The following DUSP12 variants were observed in gnomAD, a reference collection of about 807,000 sequenced individuals.
The protein encoded by DUSP12 is dual specificity phosphatase 12.
In DUSP12, 25 loss-of-function variants were observed where a neutral mutation model predicts 38.9. The observed-to-expected ratio is 0.64, with a 90% CI of 0.47 to 0.90. The LOEUF (loss-of-function observed/expected upper bound fraction) is 0.90. DUSP12 is among the 40% of genes least tolerant of loss of function. DUSP12 has a pLI of 0.00. For missense variants in DUSP12, 403 were observed against 427.0 expected (o/e 0.94, Z 0.50); for synonymous variants, 153 against 153.9 (o/e 0.99, Z 0.05).
In DUSP12 at chr1:161,750,043, C is replaced by G. The variant is rs781449881; in HGVS notation, c.242C>G (p.Pro81Arg). The G allele has an allele frequency of 3.7e-6, 6 of 1,613,904 alleles. No homozygotes were observed. In the Admixed American group the frequency reaches 1.0e-4, roughly 27 times the overall value. ...GVEDLWRLFV[P>R]ALDKPETDLL... ...GAGGATCTATGGCGCCTCTTCGTGC[C>G]AGCGCTGGACAAACCCGAGACGGAC... is the stretch of plus-strand genomic sequence containing the variant. The change falls in exon 1 of 6, where the codon CCA becomes CGA. Residue 81 changes from proline to arginine, a missense_variant. Pro to Arg is a moderately radical substitution (Grantham distance 103, BLOSUM62 -2). Coordinates refer to ENST00000367943, the MANE Select transcript of DUSP12 (RefSeq NM_007240.3).
At position 161,749,956 on chromosome 1, in the gene DUSP12, G is replaced by C. The variant is rs1170237371; in HGVS notation, c.155G>C (p.Gly52Ala). 4 of 1,613,888 alleles carry C rather than the reference G, an allele frequency of 2.5e-6. No individual in the cohort carries two copies. The African/African-American group carries it at 5.3e-5, about 22-fold the overall frequency. The part of the protein sequence containing the change: ...VAEPDHLREA[G>A]ITAVLTVDSE... ...GAGCCAGATCACCTGAGGGAAGCGG[G>C]CATCACGGCCGTGCTAACAGTGGAC... Residue 52 changes from glycine (G) to alanine (A), a missense_variant, in exon 1 of 6, where the codon GGC becomes GCC. Transcript: ENST00000367943.
intron 4 of DUSP12, 29 bp from the exon 5 acceptor site, chr1:161,753,046 T>C: frequency 1.3e-6 from 2 of 1,569,198 alleles, no homozygotes; most frequent in Non-Finnish European, 1.7e-6. Context: ...TGGAAGTCAT[T>C]AATGCTTTTG....
intron 5 of DUSP12, among the ~76,000 whole-genome samples, chr1:161,754,280 GC>G (rs1427215942): frequency 6.6e-6 from 1 of 152,064 alleles, no homozygotes; most frequent in African/African-American, 2.4e-5. Context: ...GTAGTGTCTT[GC>G]CTAGAAAGTG....
In DUSP12 at chr1:161,750,930, C is replaced by T. The variant is rs1034636533; in HGVS notation, c.345-738C>T. Among the ~76,000 whole-genome samples the T allele has an allele frequency of 2.7e-5, 4 of 150,664 alleles. No homozygotes were observed. In the South Asian group the frequency reaches 6.3e-4, roughly 24 times the overall value. ...ACAGAGCGAGACTCCATCCCTCCCCCCAAAAAAAGAAAATGGGAATCCCTA... is the reference window on the plus strand; with the variant it reads ...ACAGAGCGAGACTCCATCCCTCCCCTCAAAAAAAGAAAATGGGAATCCCTA... On this transcript the variant is annotated intron_variant, in intron 1 of 5. Coordinates refer to ENST00000367943, the MANE Select transcript of DUSP12 (RefSeq NM_007240.3).
At position 161,750,011 on chromosome 1, in the gene DUSP12, T is replaced by G; in HGVS notation, c.210T>G (p.Pro70=). 6.2e-7 allele frequency: 1 copy of G among 1,613,952 alleles called. No homozygotes were observed. Among genetic ancestry groups the G allele is most frequent in the Non-Finnish European group, 8.5e-7 (1 of 1,179,954 alleles). The part of the protein sequence containing the change: ...DSEEPSFKAG[P]GVEDLWRLFV... The stretch of plus-strand genomic sequence containing the variant: ...AGGAGCCCAGCTTCAAGGCGGGGCC[T>G]GGGGTCGAGGATCTATGGCGCCTCT... Residue 70 remains proline (P), a synonymous_variant, in exon 1 of 6, where the codon CCT becomes CCG. Coordinates refer to ENST00000367943, the MANE Select transcript of DUSP12 (RefSeq NM_007240.3).
intron 3 of DUSP12, 71 bp downstream of exon 3, chr1:161,752,055 T>C: frequency 9.8e-7 from 1 of 1,022,002 alleles, no homozygotes; most frequent in Non-Finnish European, 1.5e-6. Flanking sequence ...TGCTTTACCT[T>C]ACTTCCAGCA....
At position 161,753,217 on chromosome 1, in the gene DUSP12, G is replaced by A; in HGVS notation, c.817G>A (p.Val273Ile). 3 of 1,612,022 alleles carry A rather than the reference G, an allele frequency of 1.9e-6. No homozygotes were observed. The South Asian group carries it at 3.3e-5, about 18-fold the overall frequency. ...AQCTSYFIEP[V>I]QWMESALLGV... The stretch of plus-strand genomic sequence containing the variant: ...ATGTACATCTTATTTCATTGAACCT[G>A]TACAGTGGATGGAATCTGCTTTGTT... Residue 273 changes from valine (V) to isoleucine (I), a missense_variant, in exon 5 of 6, where the codon GTA (valine) becomes ATA (isoleucine). Transcript: ENST00000367943.
chr1:161,752,700 G>A (rs1047491384), intron 4 of DUSP12, among the ~76,000 whole-genome samples: 2 of 152,106 alleles, frequency 1.3e-5, no homozygotes, highest in African/African-American at 4.8e-5. Flanking sequence ...AAGCAATATT[G>A]CACATTTTGC....
Position 161,756,854 on chromosome 1 carries a change from T to C in DUSP12, c.930T>C (p.Gly310=), listed in dbSNP as rs1468292117. 1 of 1,614,058 alleles carries C rather than the reference T, an allele frequency of 6.2e-7. No homozygotes were observed. The highest frequency in any genetic ancestry group is 1.7e-5 in the Admixed American group (1 of 60,026). ...FNWYGEQCSC[G]RWITPAFQIH... is the part of the protein sequence containing the mutation. ...GGTATGGTGAACAGTGCTCTTGTGG[T>C]AGGTGGATAACACCTGCTTTTCAAA... Residue 310 remains glycine (G), a synonymous_variant, in exon 6 of 6, where the codon GGT becomes GGC. Coordinates refer to ENST00000367943, the MANE Select transcript of DUSP12 (RefSeq NM_007240.3).
At chr1:161,752,758 G>A (rs1411141935) in intron 4 of DUSP12, among the ~76,000 whole-genome samples, 1 of 152,218 alleles carries the variant, frequency 6.6e-6, no homozygotes, top group Non-Finnish European at 1.5e-5. Context: ...GGGAGGCCGA[G>A]GCAGGCAGAT....
In DUSP12 at chr1:161,757,000, TGCTTCTTATCATTCATG is replaced by T. The variant is rs1318924512; in HGVS notation, c.*56_*72del. On this transcript the variant is annotated 3_prime_UTR_variant, in exon 6 of 6. Coordinates refer to ENST00000367943, the MANE Select transcript of DUSP12 (RefSeq NM_007240.3). ...ACTTGCAGATGATATGTGCTGCCTT[TGCTTCTTATCATTCATG>T]GCAGATTGTTTGTGCTTTCAACATT... The T allele has an allele frequency of 1.3e-6, 2 of 1,521,552 alleles. No individual in the cohort carries two copies. The highest frequency in any genetic ancestry group is 1.8e-6 in the Non-Finnish European group (2 of 1,117,944). 94.3% of individuals were successfully genotyped at this position (1,521,552 alleles called of 1,614,324 possible). A position where few individuals can be genotyped will look rare whatever the true frequency, so the allele number is the denominator to read the frequency against.
chr1:161,756,031 T>G (rs1014520469), intron 5 of DUSP12, among the ~76,000 whole-genome samples: 3 of 152,058 alleles, frequency 2.0e-5, no homozygotes, highest in Non-Finnish European at 4.4e-5. Flanking sequence ...AATTTTTGTG[T>G]TTTTAGTAGA....
chr1:161,749,995 G>C lies in DUSP12; in HGVS notation c.194G>C (p.Ser65Thr), dbSNP rs1454116060. 6.2e-7 allele frequency: 1 copy of C among 1,614,082 alleles called. No homozygotes were observed. Among genetic ancestry groups the C allele is most frequent in the Non-Finnish European group, 8.5e-7 (1 of 1,179,984 alleles). ...CTAACAGTGGACTCGGAGGAGCCCAGCTTCAAGGCGGGGCCTGGGGTCGAG... is the reference window on the plus strand; with the variant it reads ...CTAACAGTGGACTCGGAGGAGCCCACCTTCAAGGCGGGGCCTGGGGTCGAG... Reference protein sequence around the residue: ...AVLTVDSEEPSFKAGPGVEDL... With the variant: ...AVLTVDSEEPTFKAGPGVEDL... The change falls in exon 1 of 6, where the codon AGC (serine) becomes ACC (threonine). Residue 65 changes from serine to threonine, a missense_variant. Ser to Thr is a moderately conservative substitution (Grantham distance 58). Coordinates refer to ENST00000367943, the MANE Select transcript of DUSP12 (RefSeq NM_007240.3).
intron 1 of DUSP12, among the ~76,000 whole-genome samples, chr1:161,750,385 G>A (rs546369782): frequency 6.6e-6 from 1 of 152,316 alleles, no homozygotes; most frequent in African/African-American, 2.4e-5. Context: ...AGCAGAGGGC[G>A]GGGGAGGTGT....
intron 1 of DUSP12, 107 bp from the exon 2 acceptor site, chr1:161,751,561 A>G (rs7540096): frequency 0.46 from 642,833 of 1,387,868 alleles, 156,661 homozygotes; most frequent in African/African-American, 0.84. Flanking sequence ...TTGAGAAGCA[A>G]AAATGAAGTG....
At chr1:161,753,456 G>T in intron 5 of DUSP12, 195 bp downstream of exon 5, 2 of 387,596 alleles carry the variant, frequency 5.2e-6, no homozygotes, top group Non-Finnish European at 8.8e-6. Context: ...CCAACATAGT[G>T]AACTACTTCT....
At chr1:161,752,922 G>C (rs180988292) in intron 4 of DUSP12, among the ~76,000 whole-genome samples, 153 bp from the exon 5 acceptor site, 2 of 152,066 alleles carry the variant, frequency 1.3e-5, no homozygotes, top group Admixed American at 6.5e-5. Flanking sequence ...CCCAGGAGGC[G>C]GAGGTTGCAG....
chr1:161,750,185 T>C (rs997034926), intron 1 of DUSP12, 40 bp downstream of exon 1: 1 of 1,577,874 alleles, frequency 6.3e-7, no homozygotes, highest in South Asian at 1.1e-5. Flanking sequence ...CCCGCCAAGC[T>C]TCCAGCCGGC....
chr1:161,755,049 C>T lies in DUSP12; in HGVS notation c.862-1737C>T, dbSNP rs139091919. On this transcript the variant is annotated intron_variant, in intron 5 of 5. Coordinates refer to ENST00000367943, the MANE Select transcript of DUSP12 (RefSeq NM_007240.3). ...TTTTCCATGTTGGTCAGGCTGGTCTCGAACTCCTGACCTCAGGTAATCCAC... is the reference window on the plus strand; with the variant it reads ...TTTTCCATGTTGGTCAGGCTGGTCTTGAACTCCTGACCTCAGGTAATCCAC... Among the ~76,000 whole-genome samples, 1,132 of 152,180 alleles carry T rather than the reference C, an allele frequency of 7.4e-3. 9 individuals carry two copies. The highest frequency in any genetic ancestry group is 0.025 in the African/African-American group (1,037 of 41,514).
Sources: gnomAD v4.1 joint callset for allele counts (sites outside exome capture counted in the v4.1 genomes callset) on GRCh38, gnomAD v4.1.1 for gene constraint, MANE v1.5 for transcripts, NCBI Gene and HGNC (gene_info 2026-07-23, HGNC 2026-07-21) for gene names.